Variants in EFNA5 observed in about 807,000 individuals in gnomAD.
The protein encoded by EFNA5 is ephrin A5.
EFNA5 carries 5 observed loss-of-function variants against 22.9 expected under a neutral mutation model. That is an observed-to-expected ratio of 0.22 (90% CI 0.11 to 0.46). The LOEUF (loss-of-function observed/expected upper bound fraction) is 0.46, where lower values mean the gene tolerates loss of function less well. Among genes scored for constraint, EFNA5 ranks in the 20% least tolerant of loss-of-function variants. The pLI is 0.99. For missense variants in EFNA5, 237 were observed against 293.3 expected (o/e 0.81, Z 1.40); for synonymous variants, 113 against 112.2 (o/e 1.01, Z -0.04).
chr5:107,608,363 C>T (rs1001819801), intron 1 of EFNA5, among the ~76,000 whole-genome samples: 2 of 152,162 alleles, frequency 1.3e-5, no homozygotes, highest in East Asian at 3.9e-4. Context: ...GACAGATTCC[C>T]ATGCTGTGGT....
chr5:107,593,234 A>G (rs1749412863), intron 1 of EFNA5, among the ~76,000 whole-genome samples: 1 of 152,156 alleles, frequency 6.6e-6, no homozygotes, highest in Non-Finnish European at 1.5e-5. Flanking sequence ...CTCATTGTCA[A>G]TCATCCATCT....
intron 1 of EFNA5, among the ~76,000 whole-genome samples, chr5:107,555,059 C>T (rs1748379681): frequency 6.6e-6 from 1 of 152,194 alleles, no homozygotes; most frequent in Non-Finnish European, 1.5e-5. Flanking sequence ...GGCATTCTCA[C>T]GGGTTCCCCA....
At chr5:107,397,087 T>TA (rs999353277) in intron 2 of EFNA5, among the ~76,000 whole-genome samples, 5 of 137,698 alleles carry the variant, frequency 3.6e-5, no homozygotes, top group Non-Finnish European at 8.3e-5. Flanking sequence ...ACTCTTTAAT[T>TA]TTTTTTTTTG....
intron 1 of EFNA5, among the ~76,000 whole-genome samples, chr5:107,580,727 A>C (rs966644395): frequency 3.5e-5 from 5 of 143,262 alleles, no homozygotes; most frequent in Admixed American, 2.1e-4. Flanking sequence ...ATCTCAAAAA[A>C]AAAAAAAAAA....
intron 1 of EFNA5, among the ~76,000 whole-genome samples, chr5:107,480,127 G>T (rs1358616089): frequency 6.6e-6 from 1 of 152,048 alleles, no homozygotes; most frequent in Non-Finnish European, 1.5e-5. Flanking sequence ...CATGTCCCAA[G>T]TGCCCCACCA....
chr5:107,506,449 G>C (rs1262123179), intron 1 of EFNA5, among the ~76,000 whole-genome samples: 1 of 152,176 alleles, frequency 6.6e-6, no homozygotes, highest in African/African-American at 2.4e-5. Flanking sequence ...CTTAGCAAAG[G>C]TTGCTAAATT....
intron 1 of EFNA5, among the ~76,000 whole-genome samples, chr5:107,497,095 C>T (rs1747006346): frequency 6.6e-6 from 1 of 152,174 alleles, no homozygotes; most frequent in Non-Finnish European, 1.5e-5. Context: ...CAATTTGGGC[C>T]TAGAAGCTGG....
intron 2 of EFNA5, among the ~76,000 whole-genome samples, chr5:107,414,335 G>GTC (rs1233182216): frequency 6.6e-6 from 1 of 151,934 alleles, no homozygotes; most frequent in Non-Finnish European, 1.5e-5. Flanking sequence ...TGAAATAGTC[G>GTC]TCTCTCTCTC....
intron 1 of EFNA5, among the ~76,000 whole-genome samples, chr5:107,445,560 A>G (rs527503929): frequency 4.6e-5 from 7 of 152,212 alleles, no homozygotes; most frequent in Non-Finnish European, 1.0e-4. Flanking sequence ...CAAGATGCTC[A>G]CAAGTCACGA....
chr5:107,665,393 G>A (rs932091501), intron 1 of EFNA5, among the ~76,000 whole-genome samples: 17 of 152,212 alleles, frequency 1.1e-4, no homozygotes, highest in Non-Finnish European at 2.4e-4. Flanking sequence ...GTAACTAAGT[G>A]TTCCCTCCAA....
chr5:107,392,003 G>C (rs1304847141), intron 2 of EFNA5, among the ~76,000 whole-genome samples: 1 of 152,048 alleles, frequency 6.6e-6, no homozygotes, highest in African/African-American at 2.4e-5. Context: ...TAGCCAACTT[G>C]GTATAGAAAA....
At chr5:107,444,278 T>C (rs1428532353) in intron 1 of EFNA5, among the ~76,000 whole-genome samples, 3 of 152,264 alleles carry the variant, frequency 2.0e-5, no homozygotes, top group Non-Finnish European at 4.4e-5. Flanking sequence ...TATCTTTTCC[T>C]ATTAGAGTGC....
At chr5:107,533,040 T>C (rs1475250014) in intron 1 of EFNA5, among the ~76,000 whole-genome samples, 3 of 152,154 alleles carry the variant, frequency 2.0e-5, no homozygotes, top group Admixed American at 6.5e-5. Context: ...TTTTTATTTA[T>C]TGGCGTTGGA....
At chr5:107,459,186 A>C (rs1055264732) in intron 1 of EFNA5, among the ~76,000 whole-genome samples, 7 of 151,950 alleles carry the variant, frequency 4.6e-5, no homozygotes, top group Admixed American at 4.6e-4. Context: ...CTGAGGTCTG[A>C]AGTTTGAGAC....
At chr5:107,632,538 C>G (rs1750278038) in intron 1 of EFNA5, among the ~76,000 whole-genome samples, 1 of 152,208 alleles carries the variant, frequency 6.6e-6, no homozygotes. Flanking sequence ...CTCATCTATT[C>G]TCCCCTCCAG....
intron 1 of EFNA5, among the ~76,000 whole-genome samples, chr5:107,601,264 C>T (rs3864269): frequency 0.23 from 35,109 of 152,184 alleles, 4,556 homozygotes; most frequent in Middle Eastern, 0.38. Context: ...GAACTCATGA[C>T]GCAATCTTAC....
intron 1 of EFNA5, among the ~76,000 whole-genome samples, chr5:107,659,160 A>G (rs1413540777): frequency 2.0e-5 from 3 of 152,170 alleles, no homozygotes; most frequent in South Asian, 4.1e-4. Flanking sequence ...TAGTTTATCA[A>G]TGATAACTTT....
intron 1 of EFNA5, among the ~76,000 whole-genome samples, chr5:107,582,209 A>T (rs776804919): frequency 1.2e-4 from 18 of 152,226 alleles, no homozygotes; most frequent in Non-Finnish European, 2.1e-4. Flanking sequence ...TATAGTGTCA[A>T]ATGTTTTTGA....
At chr5:107,411,779 T>C (rs949429353) in intron 2 of EFNA5, among the ~76,000 whole-genome samples, 9 of 152,122 alleles carry the variant, frequency 5.9e-5, no homozygotes, top group Non-Finnish European at 1.2e-4. Flanking sequence ...ACAGATGGGG[T>C]CTTACATTGT....
Sources: gnomAD v4.1 joint callset for allele counts (sites outside exome capture counted in the v4.1 genomes callset) on GRCh38, gnomAD v4.1.1 for gene constraint, MANE v1.5 for transcripts, NCBI Gene and HGNC (gene_info 2026-07-23, HGNC 2026-07-21) for gene names.